Variants in SLC35F4 observed in about 807,000 individuals in gnomAD.
SLC35F4 encodes the protein solute carrier family 35 member F4.
Under a neutral mutation model 44.2 loss-of-function variants are expected in SLC35F4, and 24 were observed. That is an observed-to-expected ratio of 0.54 (90% confidence interval 0.39 to 0.76). The LOEUF (loss-of-function observed/expected upper bound fraction) is 0.76, where lower values mean the gene tolerates loss of function less well. Among genes scored for constraint, SLC35F4 ranks in the 30% least tolerant of loss-of-function variants. SLC35F4 has a pLI of 0.00. For synonymous variants in SLC35F4, 238 were observed against 223.6 expected (o/e 1.06, Z -0.57); for missense variants, 562 against 586.1 (o/e 0.96, Z 0.42).
At chr14:57,760,361 ACTGT>A (rs1458213576) in intron 1 of SLC35F4, among the ~76,000 whole-genome samples, 2 of 152,080 alleles carry the variant, frequency 1.3e-5, no homozygotes, top group African/African-American at 2.4e-5. Context: ...TTATCTCTGG[ACTGT>A]CTATTTTATT....
intron 2 of SLC35F4, among the ~76,000 whole-genome samples, 192 bp from the exon 3 acceptor site, chr14:57,589,705 A>C (rs1282143148): frequency 1.3e-5 from 2 of 152,228 alleles, no homozygotes; most frequent in East Asian, 3.9e-4. Context: ...TGTGCTCTGC[A>C]CAATACAGTA....
At chr14:57,683,984 G>A (rs1428356733) in intron 1 of SLC35F4, among the ~76,000 whole-genome samples, 1 of 152,076 alleles carries the variant, frequency 6.6e-6, no homozygotes, top group African/African-American at 2.4e-5. Context: ...TGATGCTGGT[G>A]GGAGGCTTGC....
chr14:57,740,012 AC>A (rs1475710800), intron 1 of SLC35F4, among the ~76,000 whole-genome samples: 48 of 152,250 alleles, frequency 3.2e-4, no homozygotes, highest in African/African-American at 1.0e-3. Context: ...GGCATGGACC[AC>A]CATGACTGGA....
intron 1 of SLC35F4, among the ~76,000 whole-genome samples, chr14:57,683,867 G>T (rs911156095): frequency 1.8e-4 from 27 of 152,064 alleles, no homozygotes; most frequent in Admixed American, 1.7e-3. Flanking sequence ...ACTCCTCTGG[G>T]GTTGGGGTGG....
intron 1 of SLC35F4, among the ~76,000 whole-genome samples, chr14:57,885,777 A>G (rs972386404): frequency 6.6e-6 from 1 of 152,152 alleles, no homozygotes; most frequent in African/African-American, 2.4e-5. Context: ...TCTTCCTTTC[A>G]TTTTAATTCC....
rs191680941 is a variant in SLC35F4, at chr14:57,581,944, A to G, written c.588-511T>C. Among the ~76,000 whole-genome samples the G allele has an allele frequency of 3.4e-3, 525 of 152,282 alleles. 2 individuals are homozygous for G. The highest frequency in any genetic ancestry group is 6.4e-3 in the Non-Finnish European group (433 of 68,024). ...TTCTAATATATCTGCCCAATTGACT[A>G]ATTTTTTTTCCTGCCAGCATTTTTA... On this transcript the variant is annotated intron_variant, in intron 3 of 7. Transcript: ENST00000556826.
chr14:57,693,075 G>A lies in SLC35F4; in HGVS notation c.104-98951C>T, dbSNP rs542355426. Reference sequence around the variant, plus strand: ...TTATTAATTAAAACTTTTTTCAACAGTAAGTATGAGAGCCCGTTTTGATTC... The same window carrying A: ...TTATTAATTAAAACTTTTTTCAACAATAAGTATGAGAGCCCGTTTTGATTC... On this transcript the variant is annotated intron_variant, in intron 1 of 7. Coordinates refer to ENST00000556826, the MANE Select transcript of SLC35F4 (RefSeq NM_001306087.2). Among the ~76,000 whole-genome samples, 6 of 152,166 alleles carry A rather than the reference G, an allele frequency of 3.9e-5. No homozygotes were observed. The East Asian group carries it at 7.7e-4, about 20-fold the overall frequency.
At chr14:57,711,105 A>G (rs2075807666) in intron 1 of SLC35F4, among the ~76,000 whole-genome samples, 1 of 152,066 alleles carries the variant, frequency 6.6e-6, no homozygotes, top group South Asian at 2.1e-4. Flanking sequence ...CATGGGAGGT[A>G]CCCAGTGGGT....
At position 57,581,415 on chromosome 14, in the gene SLC35F4, A is replaced by G; in HGVS notation, c.606T>C (p.Phe202=). 11 of 1,610,644 alleles carry G rather than the reference A, an allele frequency of 6.8e-6. No individual in the cohort carries two copies. Among genetic ancestry groups the G allele is most frequent in the Non-Finnish European group, 9.3e-6 (11 of 1,178,372 alleles). The part of the protein sequence containing the change: ...MKKFRECSRI[F]GEDGLTLKLF... Reference sequence around the variant, plus strand: ...GTTTCAGCGTCAGACCATCTTCACCAAAAATCCGACTGCATTCCCTAGGAA... The same window carrying G: ...GTTTCAGCGTCAGACCATCTTCACCGAAAATCCGACTGCATTCCCTAGGAA... Residue 202 remains phenylalanine (F), a synonymous_variant, in exon 4 of 8, where the codon TTT becomes TTC. Coordinates refer to ENST00000556826, the MANE Select transcript of SLC35F4 (RefSeq NM_001306087.2).
intron 1 of SLC35F4, among the ~76,000 whole-genome samples, chr14:57,923,925 G>A (rs376704345): frequency 4.6e-5 from 7 of 152,336 alleles, no homozygotes; most frequent in South Asian, 2.1e-4. Context: ...CAATTCCCAC[G>A]TGTAGTGGGA....
intron 1 of SLC35F4, among the ~76,000 whole-genome samples, chr14:57,880,793 G>A (rs1048711766): frequency 6.6e-6 from 1 of 152,100 alleles, no homozygotes. Flanking sequence ...TTTCAACTTT[G>A]CAGGTCTTGT....
At chr14:57,599,571 G>T (rs1446859713) in intron 1 of SLC35F4, among the ~76,000 whole-genome samples, 2 of 152,114 alleles carry the variant, frequency 1.3e-5, no homozygotes, top group African/African-American at 4.8e-5. Flanking sequence ...GCCGGGCACG[G>T]TGGCTCACGA....
intron 1 of SLC35F4, among the ~76,000 whole-genome samples, chr14:57,901,230 T>C (rs1286927973): frequency 1.3e-5 from 2 of 152,228 alleles, no homozygotes; most frequent in African/African-American, 2.4e-5. Flanking sequence ...CATATGTTCA[T>C]TGCAGCACTA....
chr14:57,747,874 C>T (rs1259165104), intron 1 of SLC35F4, among the ~76,000 whole-genome samples: 1 of 152,168 alleles, frequency 6.6e-6, no homozygotes, highest in Non-Finnish European at 1.5e-5. Context: ...CCTGAATGTT[C>T]TTAGTTAGAT....
intron 1 of SLC35F4, among the ~76,000 whole-genome samples, chr14:57,639,139 T>C (rs776402405): frequency 7.9e-5 from 12 of 152,120 alleles, no homozygotes; most frequent in Non-Finnish European, 1.8e-4. Context: ...CTAATATCAC[T>C]GGTTTAGAAA....
At chr14:57,941,212 A>C (rs929822171) in intron 1 of SLC35F4, among the ~76,000 whole-genome samples, 3 of 152,234 alleles carry the variant, frequency 2.0e-5, no homozygotes, top group African/African-American at 7.2e-5. Flanking sequence ...AATTGAAAAC[A>C]GGAACTCAAA....
At chr14:57,768,813 C>G (rs1021978417) in intron 1 of SLC35F4, among the ~76,000 whole-genome samples, 2 of 151,984 alleles carry the variant, frequency 1.3e-5, no homozygotes, top group Admixed American at 6.6e-5. Context: ...AGCGCAGTAG[C>G]GCAATCTCGG....
rs1022665107 is a variant in SLC35F4, at chr14:57,705,480, C to T, written c.104-111356G>A. ...CTCCGCATCCCAGAAAGCTGCCCTCCATTGACTCTTATGATATGGGCTTTC... is the reference window on the plus strand; with the variant it reads ...CTCCGCATCCCAGAAAGCTGCCCTCTATTGACTCTTATGATATGGGCTTTC... On this transcript the variant is annotated intron_variant, in intron 1 of 7. Coordinates refer to ENST00000556826, the MANE Select transcript of SLC35F4 (RefSeq NM_001306087.2). 3.3e-5 allele frequency among the ~76,000 whole-genome samples: 5 copies of T among 152,264 alleles called. No individual in the cohort carries two copies. In the South Asian group the frequency reaches 1.0e-3, roughly 32 times the overall value.
intron 1 of SLC35F4, among the ~76,000 whole-genome samples, chr14:57,922,245 A>G (rs1445067018): frequency 6.6e-6 from 1 of 152,188 alleles, no homozygotes; most frequent in Non-Finnish European, 1.5e-5. Context: ...GAGGTTATTA[A>G]AAATGCAGGT....
Sources: allele counts gnomAD v4.1 joint callset (sites outside exome capture counted in the v4.1 genomes callset), GRCh38; gene constraint gnomAD v4.1.1; transcripts MANE v1.5; gene names NCBI Gene and HGNC (gene_info 2026-07-23, HGNC 2026-07-21).